Variants in RFX7 observed in about 807,000 individuals in gnomAD.
The protein encoded by RFX7 is DNA-binding protein RFX7.
RFX7 carries 26 observed loss-of-function variants against 111.8 expected under a neutral mutation model. The ratio of observed to expected loss-of-function variants is 0.23; its 90% CI spans 0.17 to 0.32. The LOEUF is 0.32. RFX7 is among the 10% of genes least tolerant of loss of function. RFX7 has a pLI of 1.00. For synonymous variants in RFX7, 624 were observed against 624.4 expected (o/e 1.00, Z 0.01); for missense variants, 1,573 against 1,772.9 (o/e 0.89, Z 2.02).
chr15:56,184,837 TC>T (rs1402989899), intron 2 of RFX7, among the ~76,000 whole-genome samples: 1 of 152,190 alleles, frequency 6.6e-6, no homozygotes, highest in Non-Finnish European at 1.5e-5. Flanking sequence ...TTGTCCAACA[TC>T]CCCACTAGCT....
intron 3 of RFX7, among the ~76,000 whole-genome samples, chr15:56,170,586 G>C (rs1372232180): frequency 6.6e-6 from 1 of 152,078 alleles, no homozygotes; most frequent in Non-Finnish European, 1.5e-5. Context: ...TATTGCCTCT[G>C]GTTGAGAAGC....
chr15:56,102,189 A>C lies in RFX7; in HGVS notation c.583T>G (p.Phe195Val). 4 of 1,612,568 alleles carry C rather than the reference A, an allele frequency of 2.5e-6. No individual in the cohort carries two copies. The highest frequency in any genetic ancestry group is 3.4e-6 in the Non-Finnish European group (4 of 1,179,064). The change falls in exon 7 of 10, where the codon TTT becomes GTT. Residue 195 changes from phenylalanine to valine, a missense_variant. This residue lies in a region of RFX7 where 288 missense variants were observed against 337.9 expected (regional missense o/e 0.85). Transcript: ENST00000559447. The stretch of plus-strand genomic sequence containing the variant: ...CTTACCCCATCTCCAGTTTTGTGAA[A>C]GTCAAGGTTGGGCAGTGTTGGCATA... ...VHMPTLPNLD[F>V]HKTGDGLEGA... is the part of the protein sequence containing the mutation.
At chr15:56,190,384 C>T (rs1413516889) in intron 2 of RFX7, among the ~76,000 whole-genome samples, 1 of 152,148 alleles carries the variant, frequency 6.6e-6, no homozygotes, top group Non-Finnish European at 1.5e-5. Context: ...TTCTCAAGGT[C>T]ATACCAATTT....
chr15:56,151,707 C>A (rs1478057626), intron 3 of RFX7, among the ~76,000 whole-genome samples: 14 of 152,108 alleles, frequency 9.2e-5, no homozygotes, highest in African/African-American at 3.4e-4. Flanking sequence ...TCACACATAA[C>A]AATATTAACC....
chr15:56,146,821 A>G lies in RFX7; in HGVS notation c.196-2338T>C, dbSNP rs145189603. Among the ~76,000 whole-genome samples the G allele has an allele frequency of 5.9e-5, 9 of 152,350 alleles. No homozygotes were observed. In the East Asian group the frequency reaches 1.7e-3, roughly 29 times the overall value. The stretch of plus-strand genomic sequence containing the variant: ...ACATAGAAGAAAAAATTTGGAGAGC[A>G]GCATGAAAACTGATAATAACAAAAT... On this transcript the variant is annotated intron_variant, in intron 3 of 9. Transcript: ENST00000559447.
Position 56,243,110 on chromosome 15 carries a change from G to A in RFX7, c.161+15C>T, listed in dbSNP as rs1353240321. ...GCCTGGGCTTTTTCACGCGAGCGAT[G>A]GAGGATCCTCTTACCAGATGGAGTT... On this transcript the variant is annotated intron_variant, in intron 2 of 9. Coordinates refer to ENST00000559447, the MANE Select transcript of RFX7 (RefSeq NM_022841.7). 7.3e-7 allele frequency: 1 copy of A among 1,360,744 alleles called. No individual in the cohort carries two copies. The highest frequency in any genetic ancestry group is 1.2e-5 in the South Asian group (1 of 86,308). 84.3% of individuals were successfully genotyped at this position (1,360,744 alleles called of 1,614,324 possible). A position where few individuals can be genotyped will look rare whatever the true frequency, so the allele number is the denominator to read the frequency against.
chr15:56,185,810 G>A (rs2043032454), intron 2 of RFX7, among the ~76,000 whole-genome samples: 1 of 152,022 alleles, frequency 6.6e-6, no homozygotes, highest in African/African-American at 2.4e-5. Context: ...TTAATCATGA[G>A]TTCATTTTAA....
chr15:56,177,581 G>T (rs1263849114), intron 3 of RFX7, among the ~76,000 whole-genome samples: 1 of 152,004 alleles, frequency 6.6e-6, no homozygotes, highest in Non-Finnish European at 1.5e-5. Flanking sequence ...ACTTTAAAAA[G>T]AACTTTGTTC....
chr15:56,146,656 T>C (rs2042477486), intron 3 of RFX7, among the ~76,000 whole-genome samples: 2 of 152,248 alleles, frequency 1.3e-5, no homozygotes, highest in South Asian at 4.1e-4. Context: ...TCTAAATTAG[T>C]ATTAAGCACC....
At chr15:56,213,728 A>T (rs2043335115) in intron 2 of RFX7, among the ~76,000 whole-genome samples, 1 of 152,210 alleles carries the variant, frequency 6.6e-6, no homozygotes, top group South Asian at 2.1e-4. Flanking sequence ...TTATGACTAG[A>T]TGTGAACCAA....
At chr15:56,138,802 G>A (rs754129431) in intron 5 of RFX7, among the ~76,000 whole-genome samples, 6 of 151,910 alleles carry the variant, frequency 3.9e-5, no homozygotes, top group Admixed American at 6.6e-5. Context: ...CTCTTTTAGG[G>A]CAGGCCTGGT....
rs757257870 is a variant in RFX7 at position 56,095,254 on chromosome 15, C to T, written c.2474G>A (p.Gly825Glu). The change falls in exon 10 of 10, where the codon GGA (glycine) becomes GAA (glutamate). Residue 825 changes from glycine (G) to glutamate (E), a missense_variant. Around this residue, in one of 7 missense-constraint regions of RFX7, gnomAD observed 625 missense variants for 632.2 expected, o/e 0.99. Transcript: ENST00000559447. ...DLEKSVWELEGMPQDTYSQQL... is the reference protein window; with the variant it reads ...DLEKSVWELEEMPQDTYSQQL... Reference sequence around the variant, plus strand: ...CTGGCTATATGTGTCCTGTGGCATTCCTTCTAATTCCCAAACAGATTTCTC... The same window carrying T: ...CTGGCTATATGTGTCCTGTGGCATTTCTTCTAATTCCCAAACAGATTTCTC... 2.5e-6 allele frequency: 4 copies of T among 1,613,744 alleles called. No homozygotes were observed. In the African/African-American group the frequency reaches 5.3e-5, roughly 22 times the overall value.
chr15:56,175,548 C>A (rs139308633), intron 3 of RFX7, among the ~76,000 whole-genome samples: 1 of 152,122 alleles, frequency 6.6e-6, no homozygotes, highest in Admixed American at 6.5e-5. Context: ...GCAGACACAG[C>A]AATCAATGGA....
intron 2 of RFX7, among the ~76,000 whole-genome samples, chr15:56,197,113 T>C (rs1273633605): frequency 6.6e-6 from 1 of 151,992 alleles, no homozygotes; most frequent in Non-Finnish European, 1.5e-5. Context: ...TTAAAATGCA[T>C]TTTTTTTAAT....
intron 5 of RFX7, among the ~76,000 whole-genome samples, chr15:56,139,759 G>C (rs1352612027): frequency 6.6e-6 from 1 of 151,878 alleles, no homozygotes; most frequent in South Asian, 2.1e-4. Context: ...ATCTACTTTT[G>C]GTCTTTGATG....
intron 2 of RFX7, among the ~76,000 whole-genome samples, chr15:56,220,755 T>G (rs1376289828): frequency 6.6e-6 from 1 of 152,218 alleles, no homozygotes; most frequent in African/African-American, 2.4e-5. Context: ...CTTTCCCGGT[T>G]CCTATGACCA....
At chr15:56,243,042 TCC>T in intron 2 of RFX7, 81 bp downstream of exon 2, 1 of 543,104 alleles carries the variant, frequency 1.8e-6, no homozygotes, top group Non-Finnish European at 3.3e-6. Flanking sequence ...CCTCCTCCGC[TCC>T]CCCCGCCCGC....
Position 56,100,627 on chromosome 15 carries a change from C to T in RFX7, c.811+732G>A, listed in dbSNP as rs141442264. ...TAAGTCTCTGATCACTATATCACTA[C>T]ATTTTTAACAGACATCCTGATTTTC... is the stretch of plus-strand genomic sequence containing the variant. On this transcript the variant is annotated intron_variant, in intron 8 of 9. Coordinates refer to ENST00000559447, the MANE Select transcript of RFX7 (RefSeq NM_022841.7). Among the ~76,000 whole-genome samples, 346 of 152,302 alleles carry T rather than the reference C, an allele frequency of 2.3e-3. 1 individual carries two copies. Among genetic ancestry groups the T allele is most frequent in the African/African-American group, 7.8e-3 (326 of 41,578 alleles).
rs1157104972 is a variant in RFX7, at chr15:56,243,297, G to A, written c.-2-10C>T. 8.6e-6 allele frequency: 10 copies of A among 1,168,816 alleles called. No homozygotes were observed. Among genetic ancestry groups the A allele is most frequent in the East Asian group, 1.3e-4 (2 of 14,992 alleles). 72.4% of individuals were successfully genotyped at this position (1,168,816 alleles called of 1,614,324 possible). ...TGTTCCTCTGCCATCGCTGCAGAGG[G>A]GTGGGAGGGAGGGAGGGAAAGATGG... is the stretch of plus-strand genomic sequence containing the variant. On this transcript the variant is annotated splice_polypyrimidine_tract_variant and intron_variant, in intron 1 of 9. Coordinates refer to ENST00000559447, the MANE Select transcript of RFX7 (RefSeq NM_022841.7).
Sources: allele counts gnomAD v4.1 joint callset (sites outside exome capture counted in the v4.1 genomes callset), GRCh38; gene constraint gnomAD v4.1.1; regional missense constraint gnomAD v4.1.1; transcripts MANE v1.5; gene names NCBI Gene and HGNC (gene_info 2026-07-23, HGNC 2026-07-21).